SLC3A2: variants seen among roughly 807,000 people sequenced by gnomAD.
The protein encoded by SLC3A2 is amino acid transporter heavy chain SLC3A2.
A neutral mutation model predicts 48.5 loss-of-function variants in SLC3A2; 32 were observed. The ratio of observed to expected loss-of-function variants is 0.66; its 90% CI spans 0.50 to 0.89. SLC3A2 has a LOEUF of 0.89. Among genes scored for constraint, SLC3A2 ranks in the 40% least tolerant of loss-of-function variants. The pLI is 0.00. For synonymous variants in SLC3A2, 277 were observed against 288.8 expected, an observed-to-expected ratio of 0.96 and a Z score of 0.41; for missense variants, 587 against 680.7, an observed-to-expected ratio of 0.86 and a Z score of 1.53.
At chr11:62,863,929 T>C (rs1338923821) in intron 1 of SLC3A2, among the ~76,000 whole-genome samples, 1 of 152,220 alleles carries the variant, frequency 6.6e-6, no homozygotes, top group East Asian at 1.9e-4. Context: ...TTTTCGCTAC[T>C]GATACTTTGA....
rs1171246654 is a variant in SLC3A2, at chr11:62,867,645, T to C, written c.112+11264T>C. 2.0e-5 allele frequency among the ~76,000 whole-genome samples: 3 copies of C among 152,030 alleles called. No homozygotes were observed. The East Asian group carries it at 5.8e-4, about 29-fold the overall frequency. ...GGCTGCTTCCCTCTTTCTTTAAATT[T>C]AATTTAATTTTTAAAATTAAGATGT... On this transcript the variant is annotated intron_variant, in intron 1 of 9. Transcript: ENST00000377889.
intron 1 of SLC3A2, among the ~76,000 whole-genome samples, chr11:62,864,386 TC>T (rs914367576): frequency 6.6e-6 from 1 of 152,100 alleles, no homozygotes; most frequent in Non-Finnish European, 1.5e-5. Flanking sequence ...CCTTCCGAGT[TC>T]AAGCAATTCT....
Position 62,888,257 on chromosome 11 carries a change from G to A in SLC3A2, c.1227+39G>A, listed in dbSNP as rs1464495385. On this transcript the variant is annotated intron_variant, in intron 8 of 8. Coordinates refer to ENST00000338663, the MANE Select transcript of SLC3A2 (RefSeq NM_001013251.3). ...ATGGGTAGAAACTGACCGGTGGAGGGTGGGCTGGGCTTGTAGAAGTCTGTA... is the reference window on the plus strand; with the variant it reads ...ATGGGTAGAAACTGACCGGTGGAGGATGGGCTGGGCTTGTAGAAGTCTGTA... 3.7e-6 allele frequency: 6 copies of A among 1,611,164 alleles called. 1 individual carries two copies. In the South Asian group the frequency reaches 4.4e-5, roughly 12 times the overall value.
At chr11:62,868,365 CTTTTTTT>C (rs1184700101) in intron 1 of SLC3A2, among the ~76,000 whole-genome samples, 1 of 132,708 alleles carries the variant, frequency 7.5e-6, no homozygotes, top group African/African-American at 2.7e-5. Context: ...TATTTTCATT[CTTTTTTT>C]TTTTTTTTTT....
chr11:62,881,117 A>G lies in SLC3A2; in HGVS notation c.94A>G (p.Met32Val), dbSNP rs747669977. ...QPMNAASGAAMSLAGAEKNGL... is the reference protein window; with the variant it reads ...QPMNAASGAAVSLAGAEKNGL... The stretch of plus-strand genomic sequence containing the variant: ...GATGAACGCGGCGTCTGGGGCGGCC[A>G]TGTCCCTGGCGGGAGCCGAGAAGAA... The change falls in exon 1 of 9, where the codon ATG becomes GTG. Residue 32 changes from methionine to valine, a missense_variant. Transcript: ENST00000338663. This position sits in a 1 kb window ranked among gnomAD's most constrained non-coding sequence, Gnocchi z 4.0. 35 of 1,608,460 alleles carry G rather than the reference A, an allele frequency of 2.2e-5. No homozygotes were observed. Among genetic ancestry groups the G allele is most frequent in the Non-Finnish European group, 2.7e-5 (32 of 1,178,118 alleles).
intron 1 of SLC3A2, among the ~76,000 whole-genome samples, chr11:62,860,972 T>C (rs2085392629): frequency 6.6e-6 from 1 of 152,182 alleles, no homozygotes; most frequent in Admixed American, 6.6e-5. Context: ...AGATTAACGG[T>C]GTTTCAAGGC....
At chr11:62,858,185 T>A (rs557803718) in intron 1 of SLC3A2, among the ~76,000 whole-genome samples, 2 of 152,026 alleles carry the variant, frequency 1.3e-5, no homozygotes, top group Non-Finnish European at 2.9e-5. Context: ...ATAATGGCAG[T>A]GGAAGTGGAA....
chr11:62,856,393 C>T, intron 1 of SLC3A2: 4 of 1,594,226 alleles, frequency 2.5e-6, no homozygotes, highest in Non-Finnish European at 3.4e-6. Flanking sequence ...TACTGGATCC[C>T]GGGCTAAGCT....
upstream of SLC3A2, among the ~76,000 whole-genome samples, chr11:62,877,269 C>A (rs1166735579): frequency 6.6e-6 from 1 of 152,078 alleles, no homozygotes; most frequent in Non-Finnish European, 1.5e-5. Context: ...CCATGTTGGC[C>A]AGGCTGGTCT....
intron 1 of SLC3A2, among the ~76,000 whole-genome samples, chr11:62,860,510 G>A: frequency 6.6e-6 from 1 of 151,768 alleles, no homozygotes; most frequent in Non-Finnish European, 1.5e-5. Context: ...CAGCCATAAG[G>A]CGGTTTTCTC....
chr11:62,856,688 C>A (rs1386145899), intron 1 of SLC3A2, among the ~76,000 whole-genome samples: 1 of 152,230 alleles, frequency 6.6e-6, no homozygotes, highest in Non-Finnish European at 1.5e-5. Flanking sequence ...TCCGGCGGTG[C>A]TGCCTGCTGC....
chr11:62,871,639 G>T (rs929504454), intron 1 of SLC3A2: 10 of 662,736 alleles, frequency 1.5e-5, no homozygotes, highest in Non-Finnish European at 2.8e-5. Context: ...TGATCCTCCT[G>T]CCTTAGCTTC....
chr11:62,864,420 C>T (rs1414785012), intron 1 of SLC3A2, among the ~76,000 whole-genome samples: 1 of 151,992 alleles, frequency 6.6e-6, no homozygotes, highest in Non-Finnish European at 1.5e-5. Context: ...TCCCAAGCAG[C>T]TGAGGCTATA....
Position 62,884,707 on chromosome 11 carries a change from T to C in SLC3A2, c.818+17T>C. 1 of 1,576,336 alleles carries C rather than the reference T, an allele frequency of 6.3e-7. No homozygotes were observed. The highest frequency in any genetic ancestry group is 2.2e-5 in the East Asian group (1 of 44,478). On this transcript the variant is annotated intron_variant, in intron 5 of 8. Coordinates refer to ENST00000338663, the MANE Select transcript of SLC3A2 (RefSeq NM_001013251.3). ...TGAAGACAGGTGGGTGCAGGAGCCA[T>C]TCTGCTGACTCAGCTCCAATGTGGG...
Position 62,888,169 on chromosome 11 carries a change from C to T in SLC3A2, c.1178C>T (p.Ser393Phe), listed in dbSNP as rs1189147118. 1 of 1,613,874 alleles carries T rather than the reference C, an allele frequency of 6.2e-7. No individual in the cohort carries two copies. Among genetic ancestry groups the T allele is most frequent in the Non-Finnish European group, 8.5e-7 (1 of 1,180,030 alleles). Residue 393 changes from serine (S) to phenylalanine (F), a missense_variant, in exon 8 of 9, where the codon TCC becomes TTC. Around this residue, in one of 3 missense-constraint regions of SLC3A2, gnomAD observed 169 missense variants for 204.4 expected, o/e 0.83. Transcript: ENST00000338663. ...MEAPVMLWDESSFPDIPGAVS... is the reference protein window; with the variant it reads ...MEAPVMLWDEFSFPDIPGAVS... ...GCTCCAGTCATGCTGTGGGATGAGTCCAGCTTCCCTGACATCCCAGGGGCT... is the reference window on the plus strand; with the variant it reads ...GCTCCAGTCATGCTGTGGGATGAGTTCAGCTTCCCTGACATCCCAGGGGCT...
intron 1 of SLC3A2, among the ~76,000 whole-genome samples, chr11:62,866,866 T>C (rs2085457971): frequency 6.6e-6 from 1 of 152,214 alleles, no homozygotes; most frequent in Non-Finnish European, 1.5e-5. Flanking sequence ...ATTACCTCCA[T>C]GAATGCTGTG....
At chr11:62,879,638 C>T (rs2085608133), upstream of SLC3A2, among the ~76,000 whole-genome samples, 1 of 152,222 alleles carries the variant, frequency 6.6e-6, no homozygotes, top group Non-Finnish European at 1.5e-5. Context: ...TTTCTCTATG[C>T]TATTACTTCA....
intron 7 of SLC3A2, 80 bp downstream of exon 7, chr11:62,885,688 A>C (rs2085704474): frequency 6.6e-7 from 1 of 1,517,004 alleles, no homozygotes; most frequent in South Asian, 1.2e-5. Flanking sequence ...CGGCACATAG[A>C]CGTGAGCCTT....
chr11:62,873,645 C>CT (rs563914907), intron 1 of SLC3A2, among the ~76,000 whole-genome samples: 21 of 151,900 alleles, frequency 1.4e-4, no homozygotes, highest in Admixed American at 2.0e-4. Context: ...TAAAATCAAA[C>CT]TTTTTTTTAT....
Sources: gnomAD v4.1 joint callset for allele counts (sites outside exome capture counted in the v4.1 genomes callset) on GRCh38, gnomAD v4.1.1 for gene constraint, gnomAD v4.1.1 regional missense constraint, Gnocchi (gnomAD v3.1) non-coding constraint, MANE v1.5 for transcripts, NCBI Gene and HGNC (gene_info 2026-07-23, HGNC 2026-07-21) for gene names.